PALD1: variants seen among roughly 807,000 people sequenced by gnomAD.
PALD1 encodes the protein phosphatase domain containing paladin 1.
PALD1 carries 57 observed loss-of-function variants against 96.0 expected under a neutral mutation model. The ratio of observed to expected loss-of-function variants is 0.59; its 90% CI spans 0.48 to 0.74. The LOEUF (loss-of-function observed/expected upper bound fraction) is 0.74. Ranked by LOEUF, PALD1 falls within the 30% of genes least tolerant of loss-of-function variation. The probability of loss-of-function intolerance (pLI) is 0.00; values close to 1 mark genes in which losing one functional copy is unlikely to be tolerated. For synonymous variants in PALD1, 464 were observed against 473.6 expected (o/e 0.98, Z 0.26); for missense variants, 1,063 against 1,143.7 (o/e 0.93, Z 1.02).
chr10:70,465,232 C>T, the PALD1 span, among the ~76,000 whole-genome samples: 1 of 152,172 alleles, frequency 6.6e-6, no homozygotes, highest in South Asian at 2.1e-4. Flanking sequence ...CCTCTGCCTC[C>T]CAAAGTGCTG....
At chr10:70,507,627 G>A (rs1313187212) in intron 1 of PALD1, among the ~76,000 whole-genome samples, 1 of 152,156 alleles carries the variant, frequency 6.6e-6, no homozygotes, top group Non-Finnish European at 1.5e-5. Context: ...TCGCCACGTT[G>A]CCCAGGCTGG....
intron 3 of PALD1, 38 bp downstream of exon 3, chr10:70,529,369 C>A: frequency 1.0e-6 from 1 of 981,452 alleles, no homozygotes; most frequent in Non-Finnish European, 1.6e-6. Flanking sequence ...CGCCTGCTGC[C>A]TCCCACCCCT....
At position 70,529,239 on chromosome 10, in the gene PALD1, A is replaced by AAGG; in HGVS notation, c.202_204dup (p.Glu68dup). 1 of 654,672 alleles carries AAGG rather than the reference A, an allele frequency of 1.5e-6. No individual in the cohort carries two copies. The highest frequency in any genetic ancestry group is 2.4e-6 in the Non-Finnish European group (1 of 413,786). The allele number at this position is 654,672 out of a possible 1,614,324, so 40.6% of individuals were successfully genotyped here. On this transcript the variant is annotated inframe_insertion, in exon 3 of 20. Transcript: ENST00000263563. ...CCCCCCCCCCCCCAGGTACAACTGCAAGGAGGAGTTCCAGATCCATGATGA... is the reference window on the plus strand; with the variant it reads ...CCCCCCCCCCCCCAGGTACAACTGCAAGGAGGAGGAGTTCCAGATCCATGATGA...
At chr10:70,564,668 T>G (rs967253449) in intron 19 of PALD1, 149 bp downstream of exon 19, 1 of 729,924 alleles carries the variant, frequency 1.4e-6, no homozygotes, top group South Asian at 1.8e-5. Context: ...GAGGCTTCTG[T>G]TTGGCCAAGA....
At chr10:70,466,518 C>T in the PALD1 span, among the ~76,000 whole-genome samples, 19 of 152,174 alleles carry the variant, frequency 1.2e-4, no homozygotes, top group African/African-American at 3.4e-4. Flanking sequence ...GTCGGGATTA[C>T]AGGTGTGAGC....
At chr10:70,538,523 A>G in intron 12 of PALD1, 115 bp downstream of exon 12, 1 of 1,117,320 alleles carries the variant, frequency 8.9e-7, no homozygotes, top group South Asian at 1.5e-5. Flanking sequence ...GGTGAAGAAG[A>G]GAGGCTGTGG....
chr10:70,468,746 G>GTGTT, the PALD1 span, among the ~76,000 whole-genome samples: 2 of 147,310 alleles, frequency 1.4e-5, no homozygotes, highest in African/African-American at 5.1e-5. Flanking sequence ...GTGTGTGTGT[G>GTGTT]TGTGTTTTGA....
Position 70,499,706 on chromosome 10 carries a change from C to A in PALD1, c.-30+20647C>A, listed in dbSNP as rs149766215. The stretch of plus-strand genomic sequence containing the variant: ...GCTTGCTCCCCTGCCCGAAGCTGCC[C>A]GGGGGCCTGGAGAGCCACAGCTGGC... On this transcript the variant is annotated intron_variant, in intron 1 of 19. Coordinates refer to ENST00000263563, the MANE Select transcript of PALD1 (RefSeq NM_014431.3). 3.1e-3 allele frequency among the ~76,000 whole-genome samples: 476 copies of A among 152,314 alleles called. 3 individuals carry two copies. Among genetic ancestry groups the A allele is most frequent in the African/African-American group, 0.011 (460 of 41,564 alleles).
At chr10:70,517,960 A>G (rs1846651562) in intron 1 of PALD1, among the ~76,000 whole-genome samples, 1 of 151,668 alleles carries the variant, frequency 6.6e-6, no homozygotes, top group African/African-American at 2.4e-5. Context: ...CTGGAGTGCA[A>G]TGGCGCAATC....
chr10:70,539,677 AGGTCTTCAGCC>A lies in PALD1; in HGVS notation c.1824_1834del (p.Val609AlafsTer27), dbSNP rs1847198025. The A allele has an allele frequency of 6.2e-7, 1 of 1,613,492 alleles. No homozygotes were observed. The highest frequency in any genetic ancestry group is 1.3e-5 in the African/African-American group (1 of 74,842). On this transcript the variant is annotated frameshift_variant, in exon 15 of 20. Coordinates refer to ENST00000263563, the MANE Select transcript of PALD1 (RefSeq NM_014431.3). LOFTEE classifies it high-confidence loss of function. The surrounding 1 kb of genome is among the most constrained non-coding windows in gnomAD (Gnocchi z 4.5). ...TTCCAGACCTGCCTTACCATGCAGG[AGGTCTTCAGCC>A]AGCACCGCAGGGCCTGTCCTGGCCT...
At chr10:70,483,401 T>C (rs909882538) in intron 1 of PALD1, among the ~76,000 whole-genome samples, 13 of 152,170 alleles carry the variant, frequency 8.5e-5, no homozygotes, top group African/African-American at 3.1e-4. Context: ...TGCACACCCA[T>C]GGAAGGCAGT....
chr10:70,479,993 C>T (rs1403223967), intron 1 of PALD1, among the ~76,000 whole-genome samples: 1 of 152,218 alleles, frequency 6.6e-6, no homozygotes, highest in Non-Finnish European at 1.5e-5. Flanking sequence ...AGTGGAAAGC[C>T]AAGAGGCTAC....
chr10:70,516,286 C>T (rs1846617948), intron 1 of PALD1, among the ~76,000 whole-genome samples: 1 of 151,988 alleles, frequency 6.6e-6, no homozygotes, highest in Non-Finnish European at 1.5e-5. Context: ...GTGCAACCAC[C>T]ACGCCTGGCT....
chr10:70,530,826 A>G lies in PALD1; in HGVS notation c.469-464A>G, dbSNP rs144636996. On this transcript the variant is annotated intron_variant, in intron 4 of 19. Coordinates refer to ENST00000263563, the MANE Select transcript of PALD1 (RefSeq NM_014431.3). ...TGCCCACACATTTCCCTCTGCCTGT[A>G]TGGTGCTCAGTGAATGAATGATTGC... Among the ~76,000 whole-genome samples the G allele has an allele frequency of 8.0e-3, 1,224 of 152,252 alleles. 6 individuals are homozygous for G. Among genetic ancestry groups the G allele is most frequent in the Non-Finnish European group, 0.013 (882 of 68,026 alleles).
chr10:70,487,700 AAAAAAAAC>A (rs1846035906), intron 1 of PALD1, among the ~76,000 whole-genome samples: 1 of 152,024 alleles, frequency 6.6e-6, no homozygotes, highest in Non-Finnish European at 1.5e-5. Flanking sequence ...TTTCTTTAAA[AAAAAAAAC>A]AAAAAAACAA....
intron 17 of PALD1, among the ~76,000 whole-genome samples, chr10:70,545,588 C>A (rs1847345390): frequency 6.6e-6 from 1 of 151,988 alleles, no homozygotes; most frequent in Non-Finnish European, 1.5e-5. Context: ...CAGATTATAT[C>A]ATTTTTTTTC....
chr10:70,472,471 G>A, the PALD1 span, among the ~76,000 whole-genome samples: 3 of 152,066 alleles, frequency 2.0e-5, no homozygotes, highest in African/African-American at 7.2e-5. Context: ...ACGTTGGCCG[G>A]GTTGGTCTCA....
At chr10:70,548,298 T>TC (rs201756091) in intron 18 of PALD1, among the ~76,000 whole-genome samples, 4 of 149,740 alleles carry the variant, frequency 2.7e-5, no homozygotes, top group Non-Finnish European at 3.0e-5. Context: ...GTGAGACTCC[T>TC]CAAAAAAAAA....
chr10:70,540,953 G>A lies in PALD1; in HGVS notation c.1909-149G>A, dbSNP rs1308269068. The A allele has an allele frequency of 2.6e-6, 2 of 780,792 alleles. No homozygotes were observed. 48.4% of individuals were successfully genotyped at this position (780,792 alleles called of 1,614,324 possible). A position where few individuals can be genotyped will look rare whatever the true frequency, so the allele number is the denominator to read the frequency against. The stretch of plus-strand genomic sequence containing the variant: ...ACACGCACATGGTCTCATGCACCCC[G>A]GTGAGTTTTGTTTGTGTGTGCAAGC... On this transcript the variant is annotated intron_variant, in intron 15 of 19. Coordinates refer to ENST00000263563, the MANE Select transcript of PALD1 (RefSeq NM_014431.3). This position sits in a 1 kb window ranked among gnomAD's most constrained non-coding sequence, Gnocchi z 4.2.
Sources: gnomAD v4.1 joint callset for allele counts (sites outside exome capture counted in the v4.1 genomes callset) on GRCh38, gnomAD v4.1.1 for gene constraint, Gnocchi (gnomAD v3.1) non-coding constraint, MANE v1.5 for transcripts, NCBI Gene and HGNC (gene_info 2026-07-23, HGNC 2026-07-21) for gene names.